SNX30: variants seen among roughly 807,000 people sequenced by gnomAD.
SNX30 encodes the protein sorting nexin-30.
A neutral mutation model predicts 46.4 loss-of-function variants in SNX30; 24 were observed. The ratio of observed to expected loss-of-function variants is 0.52; its 90% CI spans 0.37 to 0.73. The LOEUF is 0.73. SNX30 is among the 30% of genes least tolerant of loss of function. The pLI, the probability that SNX30 is intolerant of heterozygous loss-of-function variation, is 0.00. For synonymous variants in SNX30, 189 were observed against 211.5 expected, an observed-to-expected ratio of 0.89 and a Z score of 0.92; for missense variants, 533 against 555.7, an observed-to-expected ratio of 0.96 and a Z score of 0.41.
chr9:112,832,489 T>TGAGAGAGAGA (rs1483192667), intron 4 of SNX30, among the ~76,000 whole-genome samples: 6 of 136,004 alleles, frequency 4.4e-5, no homozygotes, highest in South Asian at 2.3e-4. Context: ...TGTGTGTGTG[T>TGAGAGAGAGA]GTGTGTGAGA....
intron 1 of SNX30, among the ~76,000 whole-genome samples, chr9:112,753,737 C>T (rs1839309795): frequency 6.6e-6 from 1 of 152,196 alleles, no homozygotes; most frequent in African/African-American, 2.4e-5. Context: ...ATCTAAATGA[C>T]ACCATTCTCA....
chr9:112,866,955 CTCCTCAGAACTCCTCCT>C (rs1841360373), intron 8 of SNX30, among the ~76,000 whole-genome samples: 1 of 150,262 alleles, frequency 6.7e-6, no homozygotes, highest in Non-Finnish European at 1.5e-5. Flanking sequence ...TTCCTCCTCC[CTCCTCAGAACTCCTCCT>C]CCTTCCTCAG....
At chr9:112,796,648 C>G (rs994482395) in intron 1 of SNX30, among the ~76,000 whole-genome samples, 9 of 152,064 alleles carry the variant, frequency 5.9e-5, no homozygotes, top group Non-Finnish European at 1.3e-4. Context: ...AAATGGTACC[C>G]TTTTAGTAAT....
intron 1 of SNX30, among the ~76,000 whole-genome samples, chr9:112,757,371 C>T (rs1240334149): frequency 6.6e-6 from 1 of 152,206 alleles, no homozygotes; most frequent in Non-Finnish European, 1.5e-5. Context: ...TGTGTACACA[C>T]ACAGTACAGT....
Position 112,817,401 on chromosome 9 carries a change from C to CTTTTT in SNX30, c.349-278_349-274dup, listed in dbSNP as rs56856142. 6.0e-3 allele frequency among the ~76,000 whole-genome samples: 280 copies of CTTTTT among 46,824 alleles called. 63 individuals are homozygous for CTTTTT. Among genetic ancestry groups the CTTTTT allele is most frequent in the African/African-American group, 0.019 (200 of 10,258 alleles). 30.7% of individuals were successfully genotyped at this position (46,824 alleles called of 152,430 possible). A position where few individuals can be genotyped will look rare whatever the true frequency, so the allele number is the denominator to read the frequency against. The stretch of plus-strand genomic sequence containing the variant: ...CGGTAGGGAAAAAAAAAAAAACTGG[C>CTTTTT]TTTTTTTTTTTTTTTTTTTTTTTTT... On this transcript the variant is annotated intron_variant, in intron 2 of 8. Transcript: ENST00000374232.
intron 7 of SNX30, among the ~76,000 whole-genome samples, chr9:112,857,550 C>T (rs1588140643): frequency 1.3e-5 from 2 of 152,190 alleles, no homozygotes; most frequent in Admixed American, 6.5e-5. Flanking sequence ...GTCCTGGAGC[C>T]TGTCCTACAG....
intron 4 of SNX30, among the ~76,000 whole-genome samples, chr9:112,831,244 C>G (rs1446459117): frequency 1.3e-5 from 2 of 151,666 alleles, no homozygotes; most frequent in Non-Finnish European, 2.9e-5. Context: ...TTTTTGGGTG[C>G]CTGTGTCCAT....
intron 3 of SNX30, among the ~76,000 whole-genome samples, chr9:112,828,727 A>T (rs1840614785): frequency 6.6e-6 from 1 of 152,332 alleles, no homozygotes; most frequent in South Asian, 2.1e-4. Context: ...TACTATTATT[A>T]TGCTTTATGA....
intron 1 of SNX30, among the ~76,000 whole-genome samples, chr9:112,768,647 C>CTTCTTCTTCTTCTT (rs1554748345): frequency 1.6e-5 from 1 of 64,366 alleles, no homozygotes; most frequent in African/African-American, 5.3e-5. Flanking sequence ...ATTCTTTCTT[C>CTTCTTCTTCTTCTT]TTTTTTTTTT....
intron 1 of SNX30, among the ~76,000 whole-genome samples, chr9:112,779,299 G>A (rs943966684): frequency 6.6e-6 from 1 of 152,196 alleles, no homozygotes. Context: ...TCACTGTGGT[G>A]AGCTTTTTGT....
chr9:112,868,196 T>C (rs541548415), intron 8 of SNX30, among the ~76,000 whole-genome samples: 15 of 152,226 alleles, frequency 9.9e-5, no homozygotes, highest in Non-Finnish European at 1.9e-4. Context: ...TGATAACTAA[T>C]GTAAAGTATG....
chr9:112,796,721 G>A (rs1840114135), intron 1 of SNX30, among the ~76,000 whole-genome samples: 1 of 152,172 alleles, frequency 6.6e-6, no homozygotes, highest in African/African-American at 2.4e-5. Context: ...AGAAATGGGA[G>A]TTGAAGGTGC....
At chr9:112,817,272 A>G (rs1163764583) in intron 2 of SNX30, among the ~76,000 whole-genome samples, 2 of 151,986 alleles carry the variant, frequency 1.3e-5, no homozygotes, top group African/African-American at 4.8e-5. Context: ...GCAATATCCT[A>G]AGTGGATTTT....
chr9:112,856,655 T>G (rs1841134980), intron 7 of SNX30: 1 of 152,000 alleles, frequency 6.6e-6, no homozygotes, highest in Admixed American at 6.6e-5. Flanking sequence ...ACCACCGGGA[T>G]AGTGAATGTT....
Position 112,836,307 on chromosome 9 carries a change from C to G in SNX30, c.712C>G (p.Arg238Gly). ...HVTGGYKLRT[R>G]PLEFAAIGDY... ...CACTGGCGGCTACAAGCTGAGGACTCGGCCGCTTGAGTTTGCTGCCATAGG... is the reference window on the plus strand; with the variant it reads ...CACTGGCGGCTACAAGCTGAGGACTGGGCCGCTTGAGTTTGCTGCCATAGG... The change falls in exon 5 of 9, where the codon CGG becomes GGG. Residue 238 changes from arginine to glycine, a missense_variant. Coordinates refer to ENST00000374232, the MANE Select transcript of SNX30 (RefSeq NM_001012994.2). 1 of 1,613,536 alleles carries G rather than the reference C, an allele frequency of 6.2e-7. No individual in the cohort carries two copies. The highest frequency in any genetic ancestry group is 8.5e-7 in the Non-Finnish European group (1 of 1,179,468).
intron 3 of SNX30, among the ~76,000 whole-genome samples, chr9:112,822,339 A>T (rs1472831083): frequency 6.6e-6 from 1 of 152,172 alleles, no homozygotes; most frequent in Non-Finnish European, 1.5e-5. Flanking sequence ...GAGCTGCCAG[A>T]AAGTCTTCAT....
chr9:112,881,326 A>T (rs1841574697), intron 5 of SNX30: 1 of 152,216 alleles, frequency 6.6e-6, no homozygotes, highest in South Asian at 2.1e-4. Flanking sequence ...TTTAAGGGAA[A>T]CTTTGTAGAC....
At chr9:112,853,613 T>G in intron 7 of SNX30, among the ~76,000 whole-genome samples, 1 of 152,214 alleles carries the variant, frequency 6.6e-6, no homozygotes, top group Non-Finnish European at 1.5e-5. Context: ...ATAGAAGTCA[T>G]TCACAGAAAA....
intron 2 of SNX30, among the ~76,000 whole-genome samples, chr9:112,817,400 G>GTTTTTTTTTTTTTT (rs1256963697): frequency 5.8e-5 from 2 of 34,390 alleles, no homozygotes; most frequent in East Asian, 1.7e-3. Flanking sequence ...AAAAAAACTG[G>GTTTTTTTTTTTTTT]CTTTTTTTTT....
Sources: allele counts gnomAD v4.1 joint callset (sites outside exome capture counted in the v4.1 genomes callset), GRCh38; gene constraint gnomAD v4.1.1; transcripts MANE v1.5; gene names NCBI Gene and HGNC (gene_info 2026-07-23, HGNC 2026-07-21).